Variants in ETFDH observed in about 807,000 individuals in gnomAD.
ETFDH encodes electron transfer flavoprotein dehydrogenase.
Under a neutral mutation model 73.2 loss-of-function variants are expected in ETFDH, and 61 were observed. That is an observed-to-expected ratio of 0.83 (90% confidence interval 0.68 to 1.03). The LOEUF (loss-of-function observed/expected upper bound fraction) is 1.03, where lower values mean the gene tolerates loss of function less well. Ranked by LOEUF, ETFDH falls within the 50% of genes least tolerant of loss-of-function variation. ETFDH has a pLI of 0.00. For missense variants in ETFDH, 685 were observed against 745.0 expected (o/e 0.92, Z 0.94); for synonymous variants, 243 against 253.3 (o/e 0.96, Z 0.39).
intron 9 of ETFDH, among the ~76,000 whole-genome samples, chr4:158,701,540 A>G (rs148662912): frequency 2.0e-5 from 3 of 152,180 alleles, no homozygotes; most frequent in East Asian, 3.9e-4. Context: ...TCTGCCCCCT[A>G]GTTTTGCTTT....
intron 2 of ETFDH, 72 bp from the exon 3 acceptor site, chr4:158,682,123 T>G: frequency 6.2e-7 from 1 of 1,604,420 alleles, no homozygotes; most frequent in Non-Finnish European, 8.5e-7. Context: ...ACAGTGGATA[T>G]TTTTTAACTG....
intron 12 of ETFDH, among the ~76,000 whole-genome samples, chr4:158,707,469 C>T (rs1774658463): frequency 1.3e-5 from 2 of 152,310 alleles, no homozygotes; most frequent in South Asian, 4.1e-4. Context: ...CCTCTTACCC[C>T]CAGTCACCCA....
chr4:158,682,531 T>A, intron 3 of ETFDH, 107 bp downstream of exon 3: 12 of 391,002 alleles, frequency 3.1e-5, no homozygotes, highest in Non-Finnish European at 4.6e-5. Flanking sequence ...TAACTCTATC[T>A]TTTTTTTTTT....
At chr4:158,688,452 G>A (rs1327376477) in intron 5 of ETFDH, among the ~76,000 whole-genome samples, 1 of 147,006 alleles carries the variant, frequency 6.8e-6, no homozygotes, top group African/African-American at 2.5e-5. Context: ...TTGGAAGGCT[G>A]AGGTGGGCGG....
chr4:158,674,652 T>TA (rs990988841), intron 1 of ETFDH, among the ~76,000 whole-genome samples: 16 of 152,054 alleles, frequency 1.1e-4, no homozygotes, highest in Admixed American at 5.2e-4. Flanking sequence ...TTTGCCACTT[T>TA]AAAAAAAATG....
At chr4:158,700,454 C>G (rs1051276877) in intron 9 of ETFDH, among the ~76,000 whole-genome samples, 1 of 151,946 alleles carries the variant, frequency 6.6e-6, no homozygotes, top group African/African-American at 2.4e-5. Flanking sequence ...TTCAATAGTA[C>G]ACCCAGATTT....
intron 1 of ETFDH, among the ~76,000 whole-genome samples, chr4:158,672,710 C>T (rs1479270072): frequency 6.6e-6 from 1 of 152,048 alleles, no homozygotes; most frequent in African/African-American, 2.4e-5. Context: ...AGGTCAAGGG[C>T]GGGGAAAACT....
intron 10 of ETFDH, among the ~76,000 whole-genome samples, chr4:158,705,274 T>G (rs991912798): frequency 1.3e-5 from 2 of 152,238 alleles, no homozygotes; most frequent in Non-Finnish European, 2.9e-5. Flanking sequence ...CCTTGGTCTC[T>G]GCAATCTCAA....
intron 1 of ETFDH, 51 bp downstream of exon 1, chr4:158,672,541 A>G: frequency 2.5e-6 from 4 of 1,582,566 alleles, no homozygotes; most frequent in Non-Finnish European, 3.5e-6. Flanking sequence ...GGCAAAAGGG[A>G]CAAGGCCGGT....
intron 10 of ETFDH, among the ~76,000 whole-genome samples, chr4:158,704,232 A>G (rs2126310635): frequency 6.6e-6 from 1 of 152,398 alleles, no homozygotes; most frequent in South Asian, 2.1e-4. Context: ...CTAAGTATCA[A>G]TAGAACAAAC....
intron 5 of ETFDH, among the ~76,000 whole-genome samples, chr4:158,686,668 A>G (rs768127088): frequency 2.0e-5 from 3 of 152,210 alleles, no homozygotes; most frequent in Non-Finnish European, 4.4e-5. Context: ...AGAGGATTTC[A>G]GGTTTCTATG....
chr4:158,695,823 C>A (rs907850706), intron 7 of ETFDH, among the ~76,000 whole-genome samples, 180 bp downstream of exon 7: 8 of 152,264 alleles, frequency 5.3e-5, no homozygotes, highest in Admixed American at 5.2e-4. Context: ...TATTACTGAT[C>A]AAATTATATT....
At chr4:158,683,593 T>A (rs538267377) in intron 3 of ETFDH, among the ~76,000 whole-genome samples, 1 of 152,316 alleles carries the variant, frequency 6.6e-6, no homozygotes, top group African/African-American at 2.4e-5. Flanking sequence ...TGGCACCTTT[T>A]TTTTGAGACA....
chr4:158,674,300 G>A (rs911794451), intron 1 of ETFDH, among the ~76,000 whole-genome samples: 1 of 151,874 alleles, frequency 6.6e-6, no homozygotes, highest in Admixed American at 6.6e-5. Context: ...TGCCAATATA[G>A]TTTTTTTGTT....
At position 158,699,063 on chromosome 4, in the gene ETFDH, G is replaced by A. The variant is rs139306043; in HGVS notation, c.1049G>A (p.Arg350Gln). 223 of 1,613,728 alleles carry A rather than the reference G, an allele frequency of 1.4e-4. No homozygotes were observed. In the African/African-American group the frequency reaches 2.2e-3, roughly 16 times the overall value. Residue 350 changes from arginine (R) to glutamine (Q), a missense_variant, in exon 9 of 13, where the codon CGG becomes CAG. Physicochemically the swap from Arg to Gln is conservative, Grantham distance 43 (BLOSUM62 1). Transcript: ENST00000511912. ...AGGTGGAAACACCATCCTAGCATTC[G>A]GCCAACCTTGGAAGGTGGAAAAAGG... ...FQRWKHHPSI[R>Q]PTLEGGKRIA...
chr4:158,678,305 A>G (rs1005181583), intron 1 of ETFDH, among the ~76,000 whole-genome samples: 10 of 152,152 alleles, frequency 6.6e-5, no homozygotes, highest in Non-Finnish European at 1.2e-4. Flanking sequence ...CAAGACCTTT[A>G]CAGTTTTGAT....
chr4:158,676,736 T>C (rs1773719923), intron 1 of ETFDH, among the ~76,000 whole-genome samples: 1 of 152,198 alleles, frequency 6.6e-6, no homozygotes, highest in Non-Finnish European at 1.5e-5. Context: ...GCTTGACTTC[T>C]CGACTATAGC....
intron 10 of ETFDH, among the ~76,000 whole-genome samples, chr4:158,705,174 C>A (rs1774574529): frequency 6.6e-6 from 1 of 152,064 alleles, no homozygotes; most frequent in Non-Finnish European, 1.5e-5. Flanking sequence ...AGTGCATGCA[C>A]CAAGTTTTCT....
chr4:158,685,021 T>G, intron 4 of ETFDH, 80 bp from the exon 5 acceptor site: 1 of 841,168 alleles, frequency 1.2e-6, no homozygotes, highest in South Asian at 1.4e-5. Flanking sequence ...ACATATTGAT[T>G]CGAAATTTTA....
Sources: gnomAD v4.1 joint callset for allele counts (sites outside exome capture counted in the v4.1 genomes callset) on GRCh38, gnomAD v4.1.1 for gene constraint, MANE v1.5 for transcripts, NCBI Gene and HGNC (gene_info 2026-07-23, HGNC 2026-07-21) for gene names.